Variants in UST observed in about 807,000 individuals in gnomAD.
The protein encoded by UST is chondroitin sulfate 2-O-sulfotransferase.
In UST, 21 loss-of-function variants were observed where a neutral mutation model predicts 45.6. That is an observed-to-expected ratio of 0.46 (90% CI 0.33 to 0.66). The LOEUF (loss-of-function observed/expected upper bound fraction) is 0.66, where lower values mean the gene tolerates loss of function less well. Ranked by LOEUF, UST falls within the 30% of genes least tolerant of loss-of-function variation. The pLI is 0.02. For missense variants in UST, 463 were observed against 512.4 expected (o/e 0.90, Z 0.93); for synonymous variants, 215 against 200.6 (o/e 1.07, Z -0.61).
At chr6:148,967,445 T>A (rs1780825404) in intron 5 of UST, among the ~76,000 whole-genome samples, 1 of 152,216 alleles carries the variant, frequency 6.6e-6, no homozygotes, top group Non-Finnish European at 1.5e-5. Flanking sequence ...AGTTTGTTTA[T>A]TTGGAAGAAG....
intron 1 of UST, among the ~76,000 whole-genome samples, chr6:148,813,731 TC>T (rs1312466968): frequency 6.6e-6 from 1 of 152,190 alleles, no homozygotes; most frequent in Non-Finnish European, 1.5e-5. Context: ...ATAGAATGTG[TC>T]CTTCACCATT....
chr6:148,838,639 A>G (rs1484348190), intron 1 of UST, among the ~76,000 whole-genome samples: 2 of 152,126 alleles, frequency 1.3e-5, no homozygotes, highest in African/African-American at 4.8e-5. Context: ...TCAAGCCTGT[A>G]ATCACAGCAC....
intron 1 of UST, among the ~76,000 whole-genome samples, chr6:148,804,478 G>A (rs1777111380): frequency 6.6e-6 from 1 of 152,090 alleles, no homozygotes; most frequent in Non-Finnish European, 1.5e-5. Flanking sequence ...GAAGTGGTCT[G>A]GTGCTCCTCT....
intron 1 of UST, among the ~76,000 whole-genome samples, chr6:148,797,605 C>A (rs1417349113): frequency 6.6e-6 from 1 of 152,116 alleles, no homozygotes; most frequent in Non-Finnish European, 1.5e-5. Context: ...TCAGAGTACA[C>A]AGTGATAAGG....
At chr6:148,940,622 C>T (rs1010115759) in intron 2 of UST, among the ~76,000 whole-genome samples, 2 of 152,154 alleles carry the variant, frequency 1.3e-5, no homozygotes, top group African/African-American at 4.8e-5. Context: ...AGCAGTCCTT[C>T]AAAAAATTAA....
intron 7 of UST, among the ~76,000 whole-genome samples, chr6:149,023,002 G>C (rs190429255): frequency 1.3e-5 from 2 of 152,112 alleles, no homozygotes; most frequent in Admixed American, 6.5e-5. Flanking sequence ...CATAAACTCC[G>C]TTCTTTGTGC....
chr6:148,780,413 T>C (rs1046245160), intron 1 of UST, among the ~76,000 whole-genome samples: 2 of 152,256 alleles, frequency 1.3e-5, no homozygotes. Flanking sequence ...TATAGTTATT[T>C]TTTCTGTTTC....
chr6:149,024,455 A>C (rs1001633080), intron 7 of UST, among the ~76,000 whole-genome samples: 10 of 152,286 alleles, frequency 6.6e-5, no homozygotes, highest in South Asian at 6.2e-4. Flanking sequence ...TCTTCTTGTG[A>C]TATGTTTCTA....
rs1776861808 is a variant in UST at position 149,074,412 on chromosome 6, A to C, written c.*296A>C. On this transcript the variant is annotated 3_prime_UTR_variant, in exon 8 of 8. Coordinates refer to ENST00000367463, the MANE Select transcript of UST (RefSeq NM_005715.3). ...CCCATATCATGGGAAAAGGGGGAGA[A>C]ATATAGCCCCTAGCCTAATAACTTA... The C allele has an allele frequency of 2.4e-6, 1 of 420,714 alleles. No individual in the cohort carries two copies. Among genetic ancestry groups the C allele is most frequent in the Non-Finnish European group, 4.3e-6 (1 of 233,950 alleles). The allele number at this position is 420,714 out of a possible 1,614,324, so 26.1% of individuals were successfully genotyped here. A position where few individuals can be genotyped will look rare whatever the true frequency, so the allele number is the denominator to read the frequency against.
chr6:148,934,605 C>T lies in UST; in HGVS notation c.292-6674C>T, dbSNP rs1351354812. 1.3e-5 allele frequency among the ~76,000 whole-genome samples: 2 copies of T among 152,140 alleles called. No individual in the cohort carries two copies. Among genetic ancestry groups the T allele is most frequent in the African/African-American group, 4.8e-5 (2 of 41,442 alleles). On this transcript the variant is annotated intron_variant, in intron 2 of 7. Transcript: ENST00000367463. This position sits in a 1 kb window ranked among gnomAD's most constrained non-coding sequence, Gnocchi z 4.1. ...CCCAGGAAGACACAACAGTGCCCTT[C>T]GCCCCAACTCCTCTCCAGGATCACG...
intron 2 of UST, among the ~76,000 whole-genome samples, chr6:148,909,353 T>C (rs1249712995): frequency 2.6e-5 from 4 of 152,190 alleles, no homozygotes; most frequent in African/African-American, 4.8e-5. Flanking sequence ...CCCATTCATA[T>C]AGAGAGATGC....
chr6:148,775,357 G>A (rs78596262), intron 1 of UST, among the ~76,000 whole-genome samples: 21,104 of 152,164 alleles, frequency 0.14, 1,685 homozygotes, highest in Non-Finnish European at 0.17. Context: ...GGGGAAGTTA[G>A]GATGGAGCGA....
At chr6:148,824,474 G>A (rs897665134) in intron 1 of UST, among the ~76,000 whole-genome samples, 11 of 152,160 alleles carry the variant, frequency 7.2e-5, no homozygotes, top group African/African-American at 2.7e-4. Flanking sequence ...GAAACTTGCT[G>A]CTATTGGAGA....
At chr6:148,808,120 C>T (rs570735876) in intron 1 of UST, among the ~76,000 whole-genome samples, 1 of 152,202 alleles carries the variant, frequency 6.6e-6, no homozygotes, top group South Asian at 2.1e-4. Flanking sequence ...CTGGAGTTTC[C>T]ATGGGCATTC....
At position 149,029,808 on chromosome 6, in the gene UST, AT is replaced by A. The variant is rs557630102; in HGVS notation, c.937+8336del. Among the ~76,000 whole-genome samples, 26 of 150,058 alleles carry A rather than the reference AT, an allele frequency of 1.7e-4. No individual in the cohort carries two copies. The Middle Eastern group carries it at 0.01, about 59-fold the overall frequency. ...TTTACCATCGATATTCTCTATAAAG[AT>A]TTTTTTTTCACCAGCCATGTCCCAG... is the stretch of plus-strand genomic sequence containing the variant. On this transcript the variant is annotated intron_variant, in intron 7 of 7. Coordinates refer to ENST00000367463, the MANE Select transcript of UST (RefSeq NM_005715.3).
intron 2 of UST, among the ~76,000 whole-genome samples, chr6:148,922,256 C>G (rs1025835124): frequency 6.6e-6 from 1 of 152,128 alleles, no homozygotes; most frequent in South Asian, 2.1e-4. Flanking sequence ...CCACATCCCC[C>G]ATGACCTCCA....
chr6:148,948,030 C>G (rs564898515), intron 3 of UST, among the ~76,000 whole-genome samples: 1 of 152,150 alleles, frequency 6.6e-6, no homozygotes, highest in African/African-American at 2.4e-5. Context: ...TAATTGAGAC[C>G]CAGGCTCTTT....
At chr6:148,875,580 A>C (rs534537274) in intron 1 of UST, among the ~76,000 whole-genome samples, 1 of 152,248 alleles carries the variant, frequency 6.6e-6, no homozygotes, top group East Asian at 1.9e-4. Context: ...AAGTGGGCGG[A>C]TCACCTGAGG....
chr6:148,777,634 T>A (rs1406384166), intron 1 of UST, among the ~76,000 whole-genome samples: 1 of 152,186 alleles, frequency 6.6e-6, no homozygotes, highest in Admixed American at 6.5e-5. Flanking sequence ...AACCTACGCA[T>A]CCCGGGTTCC....
Sources: allele counts gnomAD v4.1 joint callset (sites outside exome capture counted in the v4.1 genomes callset), GRCh38; gene constraint gnomAD v4.1.1; non-coding constraint Gnocchi (gnomAD v3.1); transcripts MANE v1.5; gene names NCBI Gene and HGNC (gene_info 2026-07-23, HGNC 2026-07-21).